ECH1: variants seen among roughly 807,000 people sequenced by gnomAD.
ECH1 encodes the protein delta(3,5)-Delta(2,4)-dienoyl-CoA isomerase, mitochondrial.
A neutral mutation model predicts 37.0 loss-of-function variants in ECH1; 30 were observed. The ratio of observed to expected loss-of-function variants is 0.81; its 90% confidence interval spans 0.61 to 1.10. The LOEUF is 1.10. Among genes scored for constraint, ECH1 ranks in the 50% least tolerant of loss-of-function variants. The pLI is 0.00. For missense variants in ECH1, 456 were observed against 441.6 expected (o/e 1.03, Z -0.29); for synonymous variants, 178 against 176.0 (o/e 1.01, Z -0.09).
At chr19:38,819,174 C>T (rs1568357576) in intron 3 of ECH1, 7 of 985,314 alleles carry the variant, frequency 7.1e-6, no homozygotes, top group Non-Finnish European at 8.4e-6. Flanking sequence ...GAAATAGGAT[C>T]CAGATCACTG....
chr19:38,827,631 A>G (rs766748864), intron 3 of ECH1, among the ~76,000 whole-genome samples: 1 of 151,448 alleles, frequency 6.6e-6, no homozygotes, highest in Non-Finnish European at 1.5e-5. Context: ...CTGTGTATCA[A>G]CTCTGCCCTA....
chr19:38,819,018 T>G, intron 3 of ECH1: 3 of 525,366 alleles, frequency 5.7e-6, no homozygotes, highest in African/African-American at 2.3e-5. Context: ...TGCGGGCACG[T>G]GCATTTGAGC....
rs1166021172 is a variant in ECH1, at chr19:38,830,826, A to G, written c.349+252T>C. 9 of 498,956 alleles carry G rather than the reference A, an allele frequency of 1.8e-5. No individual in the cohort carries two copies. The Admixed American group carries it at 3.2e-4, about 18-fold the overall frequency. The allele number at this position is 498,956 out of a possible 1,614,324, so 30.9% of individuals were successfully genotyped here. On this transcript the variant is annotated intron_variant, in intron 3 of 9. Coordinates refer to ENST00000221418, the MANE Select transcript of ECH1 (RefSeq NM_001398.3). ...CGTCTCTACTAAAAATACAAAAATT[A>G]GCTGGGTGTGGTGGCCCACGCCTGT...
At chr19:38,824,192 AG>A (rs1971705248) in intron 3 of ECH1, among the ~76,000 whole-genome samples, 1 of 152,186 alleles carries the variant, frequency 6.6e-6, no homozygotes, top group Non-Finnish European at 1.5e-5. Context: ...TTTATAGGAC[AG>A]GGGTAAAGTC....
chr19:38,831,569 A>G, intron 1 of ECH1, 53 bp from the exon 2 acceptor site: 1 of 1,571,984 alleles, frequency 6.4e-7, no homozygotes, highest in Non-Finnish European at 8.7e-7. Context: ...ACACAGGCCT[A>G]TCGAATTAGG....
In ECH1 at chr19:38,816,013, G is replaced by A. The variant is rs921717271; in HGVS notation, c.732-6C>T. The A allele has an allele frequency of 2.5e-6, 4 of 1,612,550 alleles. No individual in the cohort carries two copies. The African/African-American group carries it at 5.3e-5, about 22-fold the overall frequency. On this transcript the variant is annotated splice_polypyrimidine_tract_variant and splice_region_variant and intron_variant, in intron 8 of 9. Transcript: ENST00000221418. ...CTTTGTCTGGGAACACCCGGCTGCA[G>A]TGAAAGAGATCAGGGACCGGGTGGG...
In ECH1 at chr19:38,817,145, C is replaced by T; in HGVS notation, c.524-16G>A. ...AGGTCCACACCTAGGAGGTAGAGGCCAGGGATGCTGAATGACCACCAGAAC... is the reference window on the plus strand; with the variant it reads ...AGGTCCACACCTAGGAGGTAGAGGCTAGGGATGCTGAATGACCACCAGAAC... On this transcript the variant is annotated splice_polypyrimidine_tract_variant and intron_variant, in intron 5 of 9. Transcript: ENST00000221418. 1.3e-6 allele frequency: 2 copies of T among 1,562,356 alleles called. No individual in the cohort carries two copies. Among genetic ancestry groups the T allele is most frequent in the South Asian group, 1.2e-5 (1 of 84,706 alleles).
intron 3 of ECH1, among the ~76,000 whole-genome samples, chr19:38,828,997 A>G (rs1971777684): frequency 6.8e-6 from 1 of 147,534 alleles, no homozygotes; most frequent in Non-Finnish European, 1.5e-5. Context: ...CAAAAAATAT[A>G]CAACTGACCA....
chr19:38,830,954 CAA>C (rs574213368), intron 3 of ECH1, 122 bp downstream of exon 3: 26,418 of 661,680 alleles, frequency 0.04, no homozygotes, highest in South Asian at 0.057. Flanking sequence ...GACCCCGTCT[CAA>C]AAAAAAAAAA....
intron 3 of ECH1, among the ~76,000 whole-genome samples, chr19:38,823,660 T>G (rs1256336345): frequency 6.6e-6 from 1 of 152,170 alleles, no homozygotes; most frequent in African/African-American, 2.4e-5. Flanking sequence ...AGGAAAGCCA[T>G]GCAGCTCTAG....
chr19:38,826,672 G>A (rs1971743600), intron 3 of ECH1, among the ~76,000 whole-genome samples: 1 of 152,120 alleles, frequency 6.6e-6, no homozygotes, highest in Non-Finnish European at 1.5e-5. Flanking sequence ...CCTACACTCT[G>A]ACTCCCAGTT....
chr19:38,817,552 A>T lies in ECH1; in HGVS notation c.373T>A (p.Ser125Thr). The part of the protein sequence containing the change: ...TAGIDLMDMA[S>T]DILQPKGDDV... ...TCTCCTTTGGGCTGCAGGATGTCCGAAGCCATGTCCATCAGGTCAATACCT... is the reference window on the plus strand; with the variant it reads ...TCTCCTTTGGGCTGCAGGATGTCCGTAGCCATGTCCATCAGGTCAATACCT... Residue 125 changes from serine to threonine, a missense_variant, in exon 4 of 10, where the codon TCG (serine) becomes ACG (threonine). Coordinates refer to ENST00000221418, the MANE Select transcript of ECH1 (RefSeq NM_001398.3). The T allele has an allele frequency of 6.2e-7, 1 of 1,609,218 alleles. No individual in the cohort carries two copies. Among genetic ancestry groups the T allele is most frequent in the Non-Finnish European group, 8.5e-7 (1 of 1,176,050 alleles).
intron 3 of ECH1, chr19:38,819,280 T>C: frequency 1.1e-6 from 1 of 944,528 alleles, no homozygotes; most frequent in South Asian, 4.9e-5. Flanking sequence ...ACCTTTGGGC[T>C]GACAACCATC....
chr19:38,826,489 G>T (rs1971740261), intron 3 of ECH1, among the ~76,000 whole-genome samples: 1 of 152,222 alleles, frequency 6.6e-6, no homozygotes, highest in African/African-American at 2.4e-5. Flanking sequence ...AATTCTAGGA[G>T]TACAAAAACT....
intron 3 of ECH1, among the ~76,000 whole-genome samples, chr19:38,827,012 G>A (rs779236833): frequency 7.8e-4 from 118 of 150,330 alleles, no homozygotes; most frequent in Non-Finnish European, 1.5e-3. Context: ...AGGGCCCTCA[G>A]CAAGGATGGA....
Position 38,815,535 on chromosome 19 carries a change from T to C in ECH1, c.*78A>G. The C allele has an allele frequency of 7.2e-7, 1 of 1,395,856 alleles. No homozygotes were observed. The highest frequency in any genetic ancestry group is 1.0e-6 in the Non-Finnish European group (1 of 987,416). 86.5% of individuals were successfully genotyped at this position (1,395,856 alleles called of 1,614,324 possible). Reference sequence around the variant, plus strand: ...GGGTCAGAAGGCATAGAAACAACTGTCATCGCCCATCCTCCCTTTCTGTGG... The same window carrying C: ...GGGTCAGAAGGCATAGAAACAACTGCCATCGCCCATCCTCCCTTTCTGTGG... On this transcript the variant is annotated 3_prime_UTR_variant, in exon 10 of 10. Coordinates refer to ENST00000221418, the MANE Select transcript of ECH1 (RefSeq NM_001398.3).
intron 3 of ECH1, among the ~76,000 whole-genome samples, chr19:38,828,255 G>A (rs1289874683): frequency 6.6e-6 from 1 of 152,048 alleles, no homozygotes; most frequent in African/African-American, 2.4e-5. Flanking sequence ...TTTTGAGACA[G>A]AGTCTCGCTC....
intron 7 of ECH1, 48 bp from the exon 8 acceptor site, chr19:38,816,403 G>A: frequency 1.2e-6 from 2 of 1,613,880 alleles, no homozygotes; most frequent in South Asian, 1.1e-5. Context: ...CCCGGGGCTG[G>A]GAGATGCTCT....
intron 3 of ECH1, among the ~76,000 whole-genome samples, chr19:38,820,833 T>A (rs913814823): frequency 4.6e-5 from 7 of 152,164 alleles, no homozygotes; most frequent in African/African-American, 1.7e-4. Context: ...TCAGACATGA[T>A]CTCTATGAGA....
Sources: gnomAD v4.1 joint callset for allele counts (sites outside exome capture counted in the v4.1 genomes callset) on GRCh38, gnomAD v4.1.1 for gene constraint, MANE v1.5 for transcripts, NCBI Gene and HGNC (gene_info 2026-07-23, HGNC 2026-07-21) for gene names.